FNBP4: variants seen among roughly 807,000 people sequenced by gnomAD.
FNBP4 encodes formin-binding protein 4.
FNBP4 carries 34 observed loss-of-function variants against 119.3 expected under a neutral mutation model. The ratio of observed to expected loss-of-function variants is 0.28; its 90% CI spans 0.22 to 0.38. The LOEUF is 0.38. FNBP4 is among the 10% of genes least tolerant of loss of function. The pLI is 1.00. For missense variants in FNBP4, 1,112 were observed against 1,228.9 expected, an observed-to-expected ratio of 0.90 and a Z score of 1.42; for synonymous variants, 462 against 430.6, an observed-to-expected ratio of 1.07 and a Z score of -0.90.
rs181895227 is a variant in FNBP4, at chr11:47,716,676, G to A, written c.*746C>T. 57 of 152,732 alleles carry A rather than the reference G, an allele frequency of 3.7e-4. No homozygotes were observed. Among genetic ancestry groups the A allele is most frequent in the Non-Finnish European group, 1.5e-4 (10 of 68,036 alleles). The allele number at this position is 152,732 out of a possible 1,614,324, so 9.5% of individuals were successfully genotyped here. A position where few individuals can be genotyped will look rare whatever the true frequency, so the allele number is the denominator to read the frequency against. ...AACAGAAAGTACAGAACAGTAAACTGCTTTTTAAATACTGGAATTTTATGG... is the reference window on the plus strand; with the variant it reads ...AACAGAAAGTACAGAACAGTAAACTACTTTTTAAATACTGGAATTTTATGG... On this transcript the variant is annotated 3_prime_UTR_variant, in exon 17 of 17. Transcript: ENST00000263773.
intron 16 of FNBP4, among the ~76,000 whole-genome samples, chr11:47,717,770 C>T (rs183493536): frequency 9.2e-5 from 14 of 152,192 alleles, no homozygotes; most frequent in Admixed American, 3.9e-4. Flanking sequence ...CTGATTGAGA[C>T]GGAATTTTGC....
intron 8 of FNBP4, among the ~76,000 whole-genome samples, chr11:47,742,459 C>T (rs1293879225): frequency 2.1e-4 from 18 of 84,178 alleles, no homozygotes; most frequent in Non-Finnish European, 3.2e-4. Context: ...GGCTGGGGGA[C>T]AGAGCAAGAC....
intron 12 of FNBP4, chr11:47,730,130 G>A: frequency 2.0e-6 from 2 of 985,450 alleles, no homozygotes; most frequent in Non-Finnish European, 2.4e-6. Flanking sequence ...GATGTTGACA[G>A]TGGTCAGGAG....
intron 8 of FNBP4, among the ~76,000 whole-genome samples, chr11:47,739,509 C>T (rs1199526405): frequency 6.6e-6 from 1 of 152,140 alleles, no homozygotes; most frequent in Non-Finnish European, 1.5e-5. Flanking sequence ...CCCCTTTGAC[C>T]TGGCAATATA....
chr11:47,733,999 C>T, intron 10 of FNBP4, 26 bp downstream of exon 10: 1 of 989,726 alleles, frequency 1.0e-6, no homozygotes, highest in Non-Finnish European at 1.4e-6. Context: ...ACTGTTTATG[C>T]CAAAAAAAAA....
chr11:47,744,719 C>T (rs1291646099), intron 7 of FNBP4, among the ~76,000 whole-genome samples: 2 of 152,118 alleles, frequency 1.3e-5, no homozygotes, highest in Admixed American at 1.3e-4. Flanking sequence ...AAGCATTTAT[C>T]CTTTGAGTTA....
chr11:47,733,812 A>G (rs1375879685), intron 10 of FNBP4, among the ~76,000 whole-genome samples: 3 of 152,164 alleles, frequency 2.0e-5, no homozygotes, highest in Non-Finnish European at 2.9e-5. Context: ...TCATCTGACC[A>G]TGATAATATA....
rs116363616 is a variant in FNBP4 at position 47,754,399 on chromosome 11, C to T, written c.450+129G>A. On this transcript the variant is annotated intron_variant, in intron 3 of 16. Transcript: ENST00000263773. ...AGAGAGATAGAGATCGGGAGAAATA[C>T]AAGAGAGTGTTGGAGGGAGAGGGAG... 2.0e-3 allele frequency: 1,774 copies of T among 873,024 alleles called. 28 individuals carry two copies. The African/African-American group carries it at 0.026, about 13-fold the overall frequency. The allele number at this position is 873,024 out of a possible 1,614,324, so 54.1% of individuals were successfully genotyped here.
At chr11:47,751,062 G>T in intron 5 of FNBP4, 26 bp from the exon 6 acceptor site, 2 of 1,612,356 alleles carry the variant, frequency 1.2e-6, no homozygotes, top group Non-Finnish European at 1.7e-6. Context: ...CTTAGCAAGA[G>T]AAATATAAGA....
At position 47,732,532 on chromosome 11, in the gene FNBP4, C is replaced by A. The variant is rs769386835; in HGVS notation, c.1820+5G>T. The A allele has an allele frequency of 1.2e-6, 2 of 1,614,008 alleles. No homozygotes were observed. The highest frequency in any genetic ancestry group is 1.7e-6 in the Non-Finnish European group (2 of 1,179,960). ...GAAAGGTGAAAAGGGGAGAAGAGTG[C>A]GTACCTGTCCCAGTGGCAGGACCAG... On this transcript the variant is annotated splice_donor_5th_base_variant and intron_variant, in intron 11 of 16. Coordinates refer to ENST00000263773, the MANE Select transcript of FNBP4 (RefSeq NM_015308.5). The surrounding 1 kb of genome is among the most constrained non-coding windows in gnomAD (Gnocchi z 4.2).
intron 8 of FNBP4, among the ~76,000 whole-genome samples, chr11:47,737,606 G>T (rs1002838686): frequency 5.3e-5 from 8 of 151,104 alleles, no homozygotes; most frequent in African/African-American, 1.7e-4. Context: ...TGTTCAGCTA[G>T]TTTTTGTATT....
intron 8 of FNBP4, among the ~76,000 whole-genome samples, chr11:47,737,990 G>A (rs1426619745): frequency 2.6e-5 from 4 of 152,062 alleles, no homozygotes; most frequent in Non-Finnish European, 4.4e-5. Flanking sequence ...TGATCCGCCC[G>A]GCTAGGCCTC....
chr11:47,734,900 G>C (rs888455870), intron 9 of FNBP4, among the ~76,000 whole-genome samples: 6 of 151,770 alleles, frequency 4.0e-5, no homozygotes, highest in African/African-American at 1.5e-4. Flanking sequence ...TTGAACCTGG[G>C]AGGTGGAGGT....
intron 8 of FNBP4, among the ~76,000 whole-genome samples, chr11:47,738,820 T>C (rs1004929937): frequency 6.7e-6 from 1 of 149,158 alleles, no homozygotes; most frequent in African/African-American, 2.5e-5. Context: ...AGCTGGGGCT[T>C]CAGGTGTTTG....
At position 47,724,179 on chromosome 11, in the gene FNBP4, C is replaced by G. The variant is rs761304377; in HGVS notation, c.2320-7G>C. The G allele has an allele frequency of 2.5e-6, 4 of 1,613,690 alleles. No individual in the cohort carries two copies. The South Asian group carries it at 3.3e-5, about 13-fold the overall frequency. ...TGGTGGAATCAACTGAACTCTGAAA[C>G]ACAAACATTTGTTATCAGTGGCTGA... is the stretch of plus-strand genomic sequence containing the variant. On this transcript the variant is annotated splice_polypyrimidine_tract_variant and splice_region_variant and intron_variant, in intron 13 of 16. Coordinates refer to ENST00000263773, the MANE Select transcript of FNBP4 (RefSeq NM_015308.5).
intron 2 of FNBP4, among the ~76,000 whole-genome samples, chr11:47,763,420 CAAAAAA>C (rs34974843): frequency 4.0e-5 from 5 of 126,378 alleles, no homozygotes; most frequent in Non-Finnish European, 3.3e-5. Flanking sequence ...CACTTGAACT[CAAAAAA>C]AAAAAAAAAA....
intron 15 of FNBP4, among the ~76,000 whole-genome samples, chr11:47,722,360 C>A (rs1164482381): frequency 6.7e-6 from 1 of 149,394 alleles, no homozygotes; most frequent in Non-Finnish European, 1.5e-5. Flanking sequence ...GCGACTCTCC[C>A]GCCTCAGCCT....
intron 7 of FNBP4, among the ~76,000 whole-genome samples, chr11:47,744,495 C>A (rs1004671976): frequency 1.3e-5 from 2 of 152,104 alleles, no homozygotes; most frequent in Non-Finnish European, 2.9e-5. Flanking sequence ...AACTTCTGGG[C>A]TCAAGTGATC....
chr11:47,729,147 C>G, intron 12 of FNBP4: 2 of 984,834 alleles, frequency 2.0e-6, no homozygotes, highest in Non-Finnish European at 2.4e-6. Context: ...CCACTGCACC[C>G]GGCCTAGGCA....
Sources: allele counts gnomAD v4.1 joint callset (sites outside exome capture counted in the v4.1 genomes callset), GRCh38; gene constraint gnomAD v4.1.1; non-coding constraint Gnocchi (gnomAD v3.1); transcripts MANE v1.5; gene names NCBI Gene and HGNC (gene_info 2026-07-23, HGNC 2026-07-21).